ADGRL3: variants seen among roughly 807,000 people sequenced by gnomAD.
ADGRL3 encodes the protein calcium-independent alpha-latrotoxin receptor 3.
A neutral mutation model predicts 153.5 loss-of-function variants in ADGRL3; 62 were observed. The ratio of observed to expected loss-of-function variants is 0.40; its 90% CI spans 0.33 to 0.50. ADGRL3 has a LOEUF of 0.50. ADGRL3 is among the 20% of genes least tolerant of loss of function. The pLI, the probability that ADGRL3 is intolerant of heterozygous loss-of-function variation, is 0.47. For synonymous variants in ADGRL3, 710 were observed against 672.5 expected (o/e 1.06, Z -0.86); for missense variants, 1,641 against 1,859.4 (o/e 0.88, Z 2.16).
At chr4:61,707,648 T>A (rs574260529) in intron 6 of ADGRL3, among the ~76,000 whole-genome samples, 2 of 152,200 alleles carry the variant, frequency 1.3e-5, no homozygotes, top group African/African-American at 4.8e-5. Flanking sequence ...TTAGAAATAT[T>A]TTTCAATTTT....
intron 8 of ADGRL3, among the ~76,000 whole-genome samples, chr4:61,809,094 AAAC>A (rs945472614): frequency 7.2e-5 from 11 of 152,158 alleles, no homozygotes; most frequent in Non-Finnish European, 2.9e-5. Context: ...AATTTAAAGC[AAAC>A]AACAACAACA....
At chr4:61,784,835 C>T (rs1031370299) in intron 8 of ADGRL3, among the ~76,000 whole-genome samples, 2 of 152,040 alleles carry the variant, frequency 1.3e-5, no homozygotes, top group African/African-American at 2.4e-5. Flanking sequence ...TAATGGCTAT[C>T]GAGTCTAATT....
intron 1 of ADGRL3, among the ~76,000 whole-genome samples, chr4:61,352,420 ACT>A (rs1433196691): frequency 1.3e-5 from 2 of 150,822 alleles, no homozygotes; most frequent in African/African-American, 4.9e-5. Flanking sequence ...ATGAAATTTC[ACT>A]CTGTCACCCA....
At chr4:62,060,535 G>T (rs1314891826) in intron 25 of ADGRL3, among the ~76,000 whole-genome samples, 1 of 151,670 alleles carries the variant, frequency 6.6e-6, no homozygotes, top group Non-Finnish European at 1.5e-5. Flanking sequence ...AATGATTTTA[G>T]AAATTATTTG....
intron 25 of ADGRL3, among the ~76,000 whole-genome samples, chr4:62,064,069 T>C (rs1741650549): frequency 6.6e-6 from 1 of 152,132 alleles, no homozygotes; most frequent in Non-Finnish European, 1.5e-5. Context: ...AAGTACACTC[T>C]GAGCACAAAC....
intron 2 of ADGRL3, among the ~76,000 whole-genome samples, chr4:61,389,203 C>G (rs556457291): frequency 2.0e-5 from 3 of 152,208 alleles, no homozygotes; most frequent in South Asian, 2.1e-4. Context: ...TGAGAAAGAT[C>G]CAGTTTAACA....
rs192811029 is a variant in ADGRL3, at chr4:61,250,900, A to G, written c.-240+49135A>G. 1.2e-4 allele frequency among the ~76,000 whole-genome samples: 18 copies of G among 152,340 alleles called. 1 individual carries two copies. In the East Asian group the frequency reaches 2.7e-3, roughly 23 times the overall value. ...GGTTAAATGGGAGTGTTATAATAAA[A>G]TCATAAATATGAAGCCTTAACAGTA... is the stretch of plus-strand genomic sequence containing the variant. On this transcript the variant is annotated intron_variant, in intron 1 of 26. Transcript: ENST00000683033.
chr4:61,970,611 A>G (rs2099023511), intron 17 of ADGRL3, among the ~76,000 whole-genome samples: 1 of 152,168 alleles, frequency 6.6e-6, no homozygotes, highest in Non-Finnish European at 1.5e-5. Context: ...TGAATGTTGT[A>G]TGCTCTTAAG....
At chr4:61,727,651 C>A (rs2151751523) in intron 6 of ADGRL3, among the ~76,000 whole-genome samples, 1 of 152,158 alleles carries the variant, frequency 6.6e-6, no homozygotes, top group African/African-American at 2.4e-5. Flanking sequence ...GCCAATATAA[C>A]CCACAATACC....
At chr4:61,706,682 A>C (rs1443109722) in intron 6 of ADGRL3, among the ~76,000 whole-genome samples, 9 of 152,116 alleles carry the variant, frequency 5.9e-5, no homozygotes. Context: ...ACAATTGCAG[A>C]GAGTTAGGGC....
chr4:61,646,409 T>A (rs2093987260), intron 5 of ADGRL3, among the ~76,000 whole-genome samples: 1 of 151,960 alleles, frequency 6.6e-6, no homozygotes, highest in South Asian at 2.1e-4. Context: ...TCCCCATCTT[T>A]GTGGTTTTAT....
At chr4:61,294,517 C>T (rs756821690) in intron 1 of ADGRL3, among the ~76,000 whole-genome samples, 4 of 152,046 alleles carry the variant, frequency 2.6e-5, no homozygotes, top group Non-Finnish European at 5.9e-5. Context: ...TATTATAAGT[C>T]GAGGACTATC....
intron 1 of ADGRL3, among the ~76,000 whole-genome samples, chr4:61,299,050 G>A (rs1164612157): frequency 6.6e-6 from 1 of 151,978 alleles, no homozygotes; most frequent in Admixed American, 6.6e-5. Flanking sequence ...TGAGTATTTA[G>A]CTTGCTTTTA....
At chr4:61,796,769 A>C (rs1444428173) in intron 8 of ADGRL3, among the ~76,000 whole-genome samples, 1 of 152,136 alleles carries the variant, frequency 6.6e-6, no homozygotes, top group African/African-American at 2.4e-5. Context: ...TATGATCTTG[A>C]ATTTTTCTTT....
intron 2 of ADGRL3, chr4:61,426,600 G>A (rs955087989): frequency 1.3e-5 from 2 of 152,186 alleles, no homozygotes; most frequent in Non-Finnish European, 2.9e-5. Flanking sequence ...ATTTACCAAT[G>A]CCAACACTGG....
At chr4:61,292,653 G>C (rs564557947) in intron 1 of ADGRL3, among the ~76,000 whole-genome samples, 12 of 152,280 alleles carry the variant, frequency 7.9e-5, no homozygotes, top group African/African-American at 2.6e-4. Flanking sequence ...CAGAGCATCT[G>C]TCTGGGGTCT....
rs1318341105 is a variant in ADGRL3, at chr4:62,071,723, T to A, written c.*815T>A. The A allele has an allele frequency of 2.4e-6, 1 of 425,358 alleles. No individual in the cohort carries two copies. Among genetic ancestry groups the A allele is most frequent in the Non-Finnish European group, 4.6e-6 (1 of 216,080 alleles). 26.3% of individuals were successfully genotyped at this position (425,358 alleles called of 1,614,324 possible). On this transcript the variant is annotated 3_prime_UTR_variant, in exon 27 of 27. Transcript: ENST00000683033. ...AAGAGAGCAAAGTTTCCTTCCTTTC[T>A]TCTCTTTCTTCATTTTCTTTTTTTC... is the stretch of plus-strand genomic sequence containing the variant.
intron 9 of ADGRL3, among the ~76,000 whole-genome samples, chr4:61,891,102 G>A (rs911470343): frequency 2.0e-5 from 3 of 152,088 alleles, no homozygotes; most frequent in African/African-American, 7.2e-5. Context: ...CTTTGATTTG[G>A]CAAAAGTAAA....
chr4:61,550,153 T>C (rs1217324794), intron 4 of ADGRL3, among the ~76,000 whole-genome samples: 1 of 151,970 alleles, frequency 6.6e-6, no homozygotes, highest in African/African-American at 2.4e-5. Context: ...TCATGTAATA[T>C]ATTATTTGAA....
Sources: allele counts gnomAD v4.1 joint callset (sites outside exome capture counted in the v4.1 genomes callset), GRCh38; gene constraint gnomAD v4.1.1; transcripts MANE v1.5; gene names NCBI Gene and HGNC (gene_info 2026-07-23, HGNC 2026-07-21).